GRIP1: variants seen among roughly 807,000 people sequenced by gnomAD.
GRIP1 encodes glutamate receptor interacting protein 1.
In GRIP1, 45 loss-of-function variants were observed where a neutral mutation model predicts 129.9. The ratio of observed to expected loss-of-function variants is 0.35; its 90% confidence interval spans 0.27 to 0.44. The LOEUF is 0.44. Among genes scored for constraint, GRIP1 ranks in the 20% least tolerant of loss-of-function variants. The pLI is 1.00. For synonymous variants in GRIP1, 530 were observed against 520.8 expected (o/e 1.02, Z -0.24); for missense variants, 1,196 against 1,396.8 (o/e 0.86, Z 2.29).
At chr12:67,027,572 C>G (rs1465315682) in intron 1 of GRIP1, among the ~76,000 whole-genome samples, 1 of 152,122 alleles carries the variant, frequency 6.6e-6, no homozygotes, top group Non-Finnish European at 1.5e-5. Context: ...AAATACTAAA[C>G]AAATCAGCAT....
chr12:66,902,229 T>C lies in GRIP1; in HGVS notation c.58+166821A>G, dbSNP rs187077561. On this transcript the variant is annotated intron_variant, in intron 1 of 1. Transcript: ENST00000643019. ...CTCTCTCCCACCTCCCCAGACTTCT[T>C]TCCCACTCTCAACAATTCACTGTTT... 1.2e-4 allele frequency among the ~76,000 whole-genome samples: 18 copies of C among 152,350 alleles called. No homozygotes were observed. In the East Asian group the frequency reaches 3.3e-3, roughly 28 times the overall value.
chr12:66,432,712 T>C (rs1406383791), intron 13 of GRIP1, 84 bp from the exon 14 acceptor site: 5 of 785,950 alleles, frequency 6.4e-6, no homozygotes, highest in Non-Finnish European at 6.6e-6. Context: ...GGAATACTTG[T>C]ATCATAATCA....
chr12:66,960,147 A>G (rs925230216), intron 1 of GRIP1, among the ~76,000 whole-genome samples: 25 of 152,312 alleles, frequency 1.6e-4, no homozygotes, highest in African/African-American at 6.0e-4. Context: ...AGATGGAAGC[A>G]CATGCAAGTG....
chr12:67,007,283 G>A (rs2042640647), intron 1 of GRIP1, among the ~76,000 whole-genome samples: 1 of 152,128 alleles, frequency 6.6e-6, no homozygotes, highest in African/African-American at 2.4e-5. Flanking sequence ...TGTTCAATAT[G>A]TATCTCCCAA....
intron 1 of GRIP1, among the ~76,000 whole-genome samples, chr12:66,896,728 A>G (rs1368694533): frequency 6.6e-6 from 1 of 152,218 alleles, no homozygotes; most frequent in African/African-American, 2.4e-5. Context: ...AGACTGAAGA[A>G]TAAGTCAGGA....
chr12:66,720,134 C>A (rs566585212), intron 1 of GRIP1, among the ~76,000 whole-genome samples: 110 of 152,200 alleles, frequency 7.2e-4, no homozygotes, highest in African/African-American at 2.6e-3. Context: ...GGCTCTAGAT[C>A]CCTACTTATT....
intron 1 of GRIP1, among the ~76,000 whole-genome samples, chr12:66,752,261 G>A (rs2037151679): frequency 6.6e-6 from 1 of 152,296 alleles, no homozygotes; most frequent in African/African-American, 2.4e-5. Flanking sequence ...ACTGGTTGGG[G>A]TGTCAAGCAT....
intron 23 of GRIP1, among the ~76,000 whole-genome samples, chr12:66,366,219 T>C (rs77738387): frequency 0.039 from 5,891 of 152,320 alleles, 155 homozygotes; most frequent in Non-Finnish European, 0.06. Flanking sequence ...ACTCCAAATA[T>C]TTGTGAAGAA....
intron 1 of GRIP1, among the ~76,000 whole-genome samples, chr12:66,764,068 A>C (rs2037553121): frequency 6.6e-6 from 1 of 152,198 alleles, no homozygotes; most frequent in Admixed American, 6.5e-5. Flanking sequence ...AAGAGCAGCA[A>C]AAGTGATGTG....
chr12:66,737,757 T>C (rs1227899400), intron 1 of GRIP1, among the ~76,000 whole-genome samples: 1 of 152,156 alleles, frequency 6.6e-6, no homozygotes, highest in Non-Finnish European at 1.5e-5. Context: ...TTTCCACAAA[T>C]ATTTAATCAT....
At chr12:66,986,378 C>T (rs191044409) in intron 1 of GRIP1, among the ~76,000 whole-genome samples, 4 of 151,722 alleles carry the variant, frequency 2.6e-5, no homozygotes, top group Admixed American at 2.0e-4. Context: ...CACATGCACA[C>T]GTATGTTTAT....
At chr12:66,775,109 G>A (rs910513473) in intron 1 of GRIP1, among the ~76,000 whole-genome samples, 3 of 152,136 alleles carry the variant, frequency 2.0e-5, no homozygotes, top group Non-Finnish European at 4.4e-5. Flanking sequence ...TTCAAATGAT[G>A]GAATGTGAAA....
intron 1 of GRIP1, among the ~76,000 whole-genome samples, chr12:66,950,874 G>A (rs2041746034): frequency 3.3e-5 from 5 of 152,142 alleles, no homozygotes; most frequent in African/African-American, 1.2e-4. Flanking sequence ...TCATCCTATA[G>A]GATAAAAGCT....
At chr12:66,906,947 C>G (rs2040943489) in intron 1 of GRIP1, among the ~76,000 whole-genome samples, 1 of 152,190 alleles carries the variant, frequency 6.6e-6, no homozygotes, top group South Asian at 2.1e-4. Flanking sequence ...AACCTTCATA[C>G]CAATGACCAC....
chr12:67,014,441 T>C (rs1456117771), intron 1 of GRIP1, among the ~76,000 whole-genome samples: 3 of 152,130 alleles, frequency 2.0e-5, no homozygotes, highest in Non-Finnish European at 2.9e-5. Context: ...CAAGAATATG[T>C]AGAAAATGTA....
intron 1 of GRIP1, among the ~76,000 whole-genome samples, chr12:66,841,272 C>T (rs2039711052): frequency 6.6e-6 from 1 of 152,090 alleles, no homozygotes; most frequent in African/African-American, 2.4e-5. Context: ...TTTTCTTGTG[C>T]CTCTGTTAGT....
At chr12:66,943,247 T>C (rs1239550954) in intron 1 of GRIP1, among the ~76,000 whole-genome samples, 5 of 152,046 alleles carry the variant, frequency 3.3e-5, no homozygotes, top group African/African-American at 7.2e-5. Flanking sequence ...AGCTTATAAG[T>C]AGTAAGGGTC....
chr12:66,691,780 C>T (rs181895255), intron 1 of GRIP1, among the ~76,000 whole-genome samples: 13 of 152,032 alleles, frequency 8.6e-5, no homozygotes, highest in Non-Finnish European at 1.9e-4. Context: ...TCTCTCTTAA[C>T]TTGTTTGCGT....
intron 1 of GRIP1, among the ~76,000 whole-genome samples, chr12:66,635,460 T>C (rs2031274014): frequency 6.6e-6 from 1 of 151,924 alleles, no homozygotes; most frequent in Non-Finnish European, 1.5e-5. Context: ...GAAATAAAAT[T>C]TATACGTTAC....
Sources: gnomAD v4.1 joint callset for allele counts (sites outside exome capture counted in the v4.1 genomes callset) on GRCh38, gnomAD v4.1.1 for gene constraint, MANE v1.5 for transcripts, NCBI Gene and HGNC (gene_info 2026-07-23, HGNC 2026-07-21) for gene names.